Variants in LHX4 observed in about 807,000 individuals in gnomAD.
LHX4 encodes the protein LIM homeobox 4.
In LHX4, 16 loss-of-function variants were observed where a neutral mutation model predicts 39.2. That is an observed-to-expected ratio of 0.41 (90% confidence interval 0.28 to 0.62). The LOEUF is 0.62. Among genes scored for constraint, LHX4 ranks in the 20% least tolerant of loss-of-function variants. The pLI is 0.33. For missense variants in LHX4, 439 were observed against 511.9 expected (o/e 0.86, Z 1.37); for synonymous variants, 206 against 198.1 (o/e 1.04, Z -0.33).
chr1:180,246,272 A>G (rs942702422), intron 1 of LHX4, among the ~76,000 whole-genome samples: 2 of 152,208 alleles, frequency 1.3e-5, no homozygotes, highest in Admixed American at 1.3e-4. Context: ...TATAGGGTTT[A>G]AGTACAAACG....
At chr1:180,243,163 T>A (rs1245283342) in intron 1 of LHX4, among the ~76,000 whole-genome samples, 1 of 152,032 alleles carries the variant, frequency 6.6e-6, no homozygotes, top group African/African-American at 2.4e-5. Context: ...TAATTTTTGT[T>A]TTTTTAGTAG....
chr1:180,262,641 A>T (rs1309535605), intron 2 of LHX4, among the ~76,000 whole-genome samples: 7 of 151,860 alleles, frequency 4.6e-5, no homozygotes, highest in African/African-American at 1.5e-4. Context: ...TTAGGTACTT[A>T]AAGTTAGACC....
chr1:180,271,787 G>A (rs1482224740), intron 4 of LHX4, 48 bp from the exon 5 acceptor site: 1 of 1,607,130 alleles, frequency 6.2e-7, no homozygotes, highest in Admixed American at 1.7e-5. Flanking sequence ...GGGGCTTTGG[G>A]TTTGTGGTGG....
chr1:180,244,924 C>T (rs1345131986), intron 1 of LHX4, among the ~76,000 whole-genome samples: 2 of 151,680 alleles, frequency 1.3e-5, no homozygotes, highest in African/African-American at 4.8e-5. Context: ...GCCCTCCCTG[C>T]ACAGCTGTGC....
intron 2 of LHX4, among the ~76,000 whole-genome samples, chr1:180,257,914 T>C (rs1482111666): frequency 1.3e-5 from 2 of 152,184 alleles, no homozygotes; most frequent in African/African-American, 4.8e-5. Flanking sequence ...CGTTTGTCTG[T>C]GAGGTCTGGG....
chr1:180,265,294 T>C (rs1648266214), intron 2 of LHX4, among the ~76,000 whole-genome samples: 1 of 152,168 alleles, frequency 6.6e-6, no homozygotes, highest in Admixed American at 6.5e-5. Context: ...ATAATTAGGT[T>C]GATTGCTGTT....
At chr1:180,230,212 G>T, upstream of LHX4, 1 of 453,086 alleles carries the variant, frequency 2.2e-6, no homozygotes, top group Non-Finnish European at 4.0e-6. This position sits in a 1 kb window ranked among gnomAD's most constrained non-coding sequence, Gnocchi z 5.8. Context: ...GCACGCGAAG[G>T]GTGGAGGGGG....
intron 2 of LHX4, among the ~76,000 whole-genome samples, chr1:180,249,292 C>T (rs1185966107): frequency 1.3e-5 from 2 of 152,196 alleles, no homozygotes; most frequent in East Asian, 3.8e-4. Flanking sequence ...CAAAAACTTC[C>T]TGTTGGAGCT....
At chr1:180,229,960 G>GGAGGCGGT (rs1491258041), upstream of LHX4, among the ~76,000 whole-genome samples, 1 of 42,034 alleles carries the variant, frequency 2.4e-5, no homozygotes, top group African/African-American at 1.1e-4. Context: ...AGGCGGAGGC[G>GGAGGCGGT]GGGAGGGGGG....
Position 180,266,552 on chromosome 1 carries a change from C to G in LHX4, c.409C>G (p.Arg137Gly). 6.2e-7 allele frequency: 1 copy of G among 1,614,144 alleles called. No individual in the cohort carries two copies. The highest frequency in any genetic ancestry group is 8.5e-7 in the Non-Finnish European group (1 of 1,180,020). Residue 137 changes from arginine to glycine, a missense_variant, in exon 3 of 6, where the codon CGG (arginine) becomes GGG (glycine). Coordinates refer to ENST00000263726, the MANE Select transcript of LHX4 (RefSeq NM_033343.4). This position sits in a 1 kb window ranked among gnomAD's most constrained non-coding sequence, Gnocchi z 5.7. ...CGAATTCTACCTCATGGAGGACGGGCGGCTGGTGTGCAAGGAAGACTACGA... is the reference window on the plus strand; with the variant it reads ...CGAATTCTACCTCATGGAGGACGGGGGGCTGGTGTGCAAGGAAGACTACGA... ...GDEFYLMEDG[R>G]LVCKEDYETA...
intron 5 of LHX4, chr1:180,273,928 C>T (rs1648852414): frequency 2.6e-5 from 14 of 532,998 alleles, no homozygotes; most frequent in Non-Finnish European, 4.1e-5. Flanking sequence ...AAGGGACCAA[C>T]GAGCTCACCA....
At position 180,248,319 on chromosome 1, in the gene LHX4, C is replaced by T. The variant is rs771830655; in HGVS notation, c.111C>T (p.Ile37=). 4 of 1,614,220 alleles carry T rather than the reference C, an allele frequency of 2.5e-6. No homozygotes were observed. The highest frequency in any genetic ancestry group is 3.4e-6 in the Non-Finnish European group (4 of 1,180,044). ...AGTGCGCTGGCTGCAACCAGCACAT[C>T]CTGGACAAGTTCATCCTGAAGGTCC... ...IPQCAGCNQH[I]LDKFILKVLD... The change falls in exon 2 of 6, where the codon ATC becomes ATT. Residue 37 remains isoleucine (I), a synonymous_variant. Transcript: ENST00000263726.
chr1:180,232,642 C>G lies in LHX4; in HGVS notation c.76+2037C>G, dbSNP rs1664208112. ...GAGGCATCGGCCAAAATTGAGGGGCCCACTCCCTGAAGACTTCTGGATCCA... is the reference window on the plus strand; with the variant it reads ...GAGGCATCGGCCAAAATTGAGGGGCGCACTCCCTGAAGACTTCTGGATCCA... On this transcript the variant is annotated intron_variant, in intron 1 of 5. Coordinates refer to ENST00000263726, the MANE Select transcript of LHX4 (RefSeq NM_033343.4). This position sits in a 1 kb window ranked among gnomAD's most constrained non-coding sequence, Gnocchi z 5.4. 6.6e-6 allele frequency among the ~76,000 whole-genome samples: 1 copy of G among 152,150 alleles called. No individual in the cohort carries two copies. Among genetic ancestry groups the G allele is most frequent in the African/African-American group, 2.4e-5 (1 of 41,428 alleles).
chr1:180,246,352 A>G (rs942660355), intron 1 of LHX4, among the ~76,000 whole-genome samples: 2 of 152,226 alleles, frequency 1.3e-5, no homozygotes, highest in Non-Finnish European at 2.9e-5. Context: ...TAGTACATTG[A>G]GGGTAATTCC....
intron 1 of LHX4, among the ~76,000 whole-genome samples, chr1:180,244,441 T>C (rs1049192511): frequency 2.6e-5 from 4 of 152,086 alleles, no homozygotes; most frequent in African/African-American, 9.7e-5. Flanking sequence ...CTGTCTGCTT[T>C]TAGTGTTGTT....
intron 3 of LHX4, among the ~76,000 whole-genome samples, chr1:180,267,323 A>T (rs1286292868): frequency 6.6e-6 from 1 of 152,264 alleles, no homozygotes; most frequent in Non-Finnish European, 1.5e-5. Context: ...TGGAGGCCGA[A>T]GTCAGGTCCC....
chr1:180,256,334 C>T (rs1647854084), intron 2 of LHX4, among the ~76,000 whole-genome samples: 1 of 152,194 alleles, frequency 6.6e-6, no homozygotes, highest in Admixed American at 6.5e-5. Context: ...AAGGTCACAC[C>T]AGGGTCCCAT....
At chr1:180,254,050 G>A (rs1195181103) in intron 2 of LHX4, among the ~76,000 whole-genome samples, 4 of 152,332 alleles carry the variant, frequency 2.6e-5, no homozygotes, top group Admixed American at 1.3e-4. Context: ...GTTCCTACAC[G>A]TTTGTAAGGT....
upstream of LHX4, among the ~76,000 whole-genome samples, chr1:180,229,959 C>G (rs865863655): frequency 2.0e-3 from 45 of 22,698 alleles, no homozygotes; most frequent in East Asian, 0.011. Context: ...GAGGCGGAGG[C>G]GGGGAGGGGG....
Sources: allele counts gnomAD v4.1 joint callset (sites outside exome capture counted in the v4.1 genomes callset), GRCh38; gene constraint gnomAD v4.1.1; non-coding constraint Gnocchi (gnomAD v3.1); transcripts MANE v1.5; gene names NCBI Gene and HGNC (gene_info 2026-07-23, HGNC 2026-07-21).